Variants in LPGAT1 observed in about 807,000 individuals in gnomAD.
The protein encoded by LPGAT1 is lysophosphatidylglycerol acyltransferase 1.
In LPGAT1, 11 loss-of-function variants were observed where a neutral mutation model predicts 47.5. The ratio of observed to expected loss-of-function variants is 0.23; its 90% CI spans 0.15 to 0.38. The LOEUF (loss-of-function observed/expected upper bound fraction) is 0.38. LPGAT1 is among the 10% of genes least tolerant of loss of function. The probability of loss-of-function intolerance (pLI) is 1.00; values close to 1 mark genes in which losing one functional copy is unlikely to be tolerated. For missense variants in LPGAT1, 293 were observed against 439.0 expected, an observed-to-expected ratio of 0.67 and a Z score of 2.97; for synonymous variants, 138 against 144.2, an observed-to-expected ratio of 0.96 and a Z score of 0.31.
In LPGAT1 at chr1:211,748,682, TAAAAAAA is replaced by T. The variant is rs981973626; in HGVS notation, c.*1210_*1216del. 2 of 147,236 alleles carry T rather than the reference TAAAAAAA, an allele frequency of 1.4e-5. No homozygotes were observed. Among genetic ancestry groups the T allele is most frequent in the Non-Finnish European group, 3.0e-5 (2 of 66,544 alleles). The allele number at this position is 147,236 out of a possible 1,614,324, so 9.1% of individuals were successfully genotyped here. On this transcript the variant is annotated 3_prime_UTR_variant, in exon 8 of 8. Transcript: ENST00000366997. ...CCTGGGTGACAGAGTAAGACCTGTC[TAAAAAAA>T]AAAGAAAAAAGAAAAAGCAACTGGA...
intron 6 of LPGAT1, among the ~76,000 whole-genome samples, chr1:211,759,485 G>C (rs1657601058): frequency 6.6e-6 from 1 of 151,878 alleles, no homozygotes; most frequent in South Asian, 2.1e-4. Flanking sequence ...GAAATTTTCT[G>C]GTATTGCTAT....
rs1657082998 is a variant in LPGAT1, at chr1:211,749,398, G to T, written c.*501C>A. The T allele has an allele frequency of 6.3e-6, 1 of 158,940 alleles. No individual in the cohort carries two copies. The highest frequency in any genetic ancestry group is 1.4e-5 in the Non-Finnish European group (1 of 72,982). 9.8% of individuals were successfully genotyped at this position (158,940 alleles called of 1,614,324 possible). On this transcript the variant is annotated 3_prime_UTR_variant, in exon 8 of 8. Coordinates refer to ENST00000366997, the MANE Select transcript of LPGAT1 (RefSeq NM_014873.3). ...CAGACTGGAGTTTGTTACTGCAACA[G>T]ACTGGAGTTTGTTACTGCAAACGAC...
chr1:211,825,505 G>C (rs1313511105), intron 2 of LPGAT1, among the ~76,000 whole-genome samples: 1 of 152,006 alleles, frequency 6.6e-6, no homozygotes, highest in Non-Finnish European at 1.5e-5. Context: ...TAAACTCCGG[G>C]GGGTGGGGTA....
At chr1:211,766,351 C>G (rs1037268848) in intron 6 of LPGAT1, among the ~76,000 whole-genome samples, 1 of 152,166 alleles carries the variant, frequency 6.6e-6, no homozygotes, top group African/African-American at 2.4e-5. Context: ...AAATCTCTTT[C>G]TACATATCTT....
chr1:211,804,084 T>C (rs1659671054), intron 2 of LPGAT1, among the ~76,000 whole-genome samples: 1 of 152,104 alleles, frequency 6.6e-6, no homozygotes, highest in East Asian at 1.9e-4. Flanking sequence ...TTTTTATTTT[T>C]ATTTTTGAGG....
intron 2 of LPGAT1, among the ~76,000 whole-genome samples, chr1:211,820,261 C>T (rs928951912): frequency 2.0e-5 from 3 of 151,882 alleles, no homozygotes; most frequent in African/African-American, 7.3e-5. Flanking sequence ...TGAGGAAAAT[C>T]CAATTCATTA....
intron 2 of LPGAT1, among the ~76,000 whole-genome samples, chr1:211,822,830 C>A (rs1660410111): frequency 6.6e-6 from 1 of 151,868 alleles, no homozygotes; most frequent in Non-Finnish European, 1.5e-5. Flanking sequence ...TAACTCCTCA[C>A]TCTGATGACA....
At chr1:211,757,271 A>G (rs1657501919) in intron 6 of LPGAT1, among the ~76,000 whole-genome samples, 1 of 151,464 alleles carries the variant, frequency 6.6e-6, no homozygotes, top group East Asian at 1.9e-4. Flanking sequence ...AAAAAAAGCT[A>G]TTGGGCAGAC....
intron 3 of LPGAT1, among the ~76,000 whole-genome samples, chr1:211,791,937 T>A (rs1268238770): frequency 1.3e-5 from 2 of 151,578 alleles, no homozygotes; most frequent in African/African-American, 4.8e-5. Context: ...TTCCATTAGG[T>A]CACACATTAA....
Position 211,830,521 on chromosome 1 carries a change from G to T in LPGAT1, c.-28+52C>A. 2 of 1,201,478 alleles carry T rather than the reference G, an allele frequency of 1.7e-6. No homozygotes were observed. The highest frequency in any genetic ancestry group is 2.1e-6 in the Non-Finnish European group (2 of 968,018). The allele number at this position is 1,201,478 out of a possible 1,614,324, so 74.4% of individuals were successfully genotyped here. ...CTTCCCCGCCCCCAGCGCCTCCCCT[G>T]GCCCGGCTCCGCTGCCGCTCTGGGG... On this transcript the variant is annotated intron_variant, in intron 1 of 7. Transcript: ENST00000366997. This position sits in a 1 kb window ranked among gnomAD's most constrained non-coding sequence, Gnocchi z 5.9.
At chr1:211,828,007 CT>C (rs1376640131) in intron 2 of LPGAT1, among the ~76,000 whole-genome samples, 1 of 152,208 alleles carries the variant, frequency 6.6e-6, no homozygotes, top group Non-Finnish European at 1.5e-5. Flanking sequence ...CAGTCCTTCT[CT>C]TGCGTGTGTG....
intron 5 of LPGAT1, among the ~76,000 whole-genome samples, chr1:211,781,649 A>G (rs902914813): frequency 1.3e-5 from 2 of 152,246 alleles, no homozygotes; most frequent in African/African-American, 4.8e-5. Flanking sequence ...TTGCCACTTA[A>G]AAACACATTG....
Position 211,744,994 on chromosome 1 carries a change from A to AT in LPGAT1, c.*4904dup, listed in dbSNP as rs1656887577. On this transcript the variant is annotated 3_prime_UTR_variant, in exon 8 of 8. Transcript: ENST00000366997. ...ATTAAAAGCACTTTAATTGAAAAAA[A>AT]TCAACTTTATTTTTTCTAGGTTTAA... is the stretch of plus-strand genomic sequence containing the variant. 1 of 152,652 alleles carries AT rather than the reference A, an allele frequency of 6.6e-6. No homozygotes were observed. Among genetic ancestry groups the AT allele is most frequent in the South Asian group, 2.1e-4 (1 of 4,834 alleles). The allele number at this position is 152,652 out of a possible 1,614,324, so 9.5% of individuals were successfully genotyped here.
chr1:211,756,195 C>G (rs562180607), intron 6 of LPGAT1, among the ~76,000 whole-genome samples: 20 of 152,212 alleles, frequency 1.3e-4, no homozygotes, highest in African/African-American at 4.8e-4. Flanking sequence ...AAGATTGCAC[C>G]ACTGCACTCC....
At chr1:211,753,278 C>T (rs1024162653) in intron 6 of LPGAT1, among the ~76,000 whole-genome samples, 2 of 152,188 alleles carry the variant, frequency 1.3e-5, no homozygotes, top group African/African-American at 4.8e-5. Flanking sequence ...TATTTGAAAT[C>T]TTGGAGGTCT....
intron 4 of LPGAT1, among the ~76,000 whole-genome samples, chr1:211,785,061 C>T (rs1571727336): frequency 6.6e-6 from 1 of 152,106 alleles, no homozygotes; most frequent in Non-Finnish European, 1.5e-5. Flanking sequence ...CCTTGGCCTC[C>T]CAAAGTGCTG....
intron 4 of LPGAT1, 107 bp downstream of exon 4, chr1:211,787,525 T>G: frequency 1.9e-6 from 1 of 532,026 alleles, no homozygotes; most frequent in Non-Finnish European, 3.3e-6. Flanking sequence ...CTAAGACTGG[T>G]TAGAAGCAGC....
intron 3 of LPGAT1, among the ~76,000 whole-genome samples, chr1:211,792,739 G>T (rs1225560261): frequency 3.4e-5 from 4 of 118,766 alleles, no homozygotes; most frequent in Non-Finnish European, 4.9e-5. Flanking sequence ...TTGAGATGGA[G>T]TCTTGCTCTG....
At chr1:211,791,015 T>G (rs1223238703) in intron 3 of LPGAT1, among the ~76,000 whole-genome samples, 1 of 152,176 alleles carries the variant, frequency 6.6e-6, no homozygotes, top group African/African-American at 2.4e-5. Context: ...TTTAACGTCA[T>G]GAACTTAGAG....
Sources: gnomAD v4.1 joint callset for allele counts (sites outside exome capture counted in the v4.1 genomes callset) on GRCh38, gnomAD v4.1.1 for gene constraint, Gnocchi (gnomAD v3.1) non-coding constraint, MANE v1.5 for transcripts, NCBI Gene and HGNC (gene_info 2026-07-23, HGNC 2026-07-21) for gene names.